SLIT3: variants seen among roughly 807,000 people sequenced by gnomAD.
SLIT3 encodes slit guidance ligand 3.
SLIT3 carries 68 observed loss-of-function variants against 184.0 expected under a neutral mutation model. The ratio of observed to expected loss-of-function variants is 0.37; its 90% CI spans 0.30 to 0.45. SLIT3 has a LOEUF of 0.45. Ranked by LOEUF, SLIT3 falls within the 20% of genes least tolerant of loss-of-function variation. The probability of loss-of-function intolerance (pLI) is 1.00; values close to 1 mark genes in which losing one functional copy is unlikely to be tolerated. For missense variants in SLIT3, 1,707 were observed against 2,026.0 expected, an observed-to-expected ratio of 0.84 and a Z score of 3.02; for synonymous variants, 831 against 828.6, an observed-to-expected ratio of 1.00 and a Z score of -0.05.
At position 169,300,463 on chromosome 5, in the gene SLIT3, CGGTGGGACCCA is replaced by C. The variant is rs1767646628; in HGVS notation, c.197+39_197+49del. 7.1e-7 allele frequency: 1 copy of C among 1,402,118 alleles called. No individual in the cohort carries two copies. 86.9% of individuals were successfully genotyped at this position (1,402,118 alleles called of 1,614,324 possible). ...ACGGATCTGGCGCCTGGGGCCCCCT[CGGTGGGACCCA>C]GGTGGGTGGCCCGCGTGGGGTGGGG... On this transcript the variant is annotated intron_variant, in intron 1 of 35. Transcript: ENST00000519560. The surrounding 1 kb of genome is among the most constrained non-coding windows in gnomAD (Gnocchi z 4.1).
chr5:168,698,737 A>T, intron 27 of SLIT3, among the ~76,000 whole-genome samples: 1 of 152,086 alleles, frequency 6.6e-6, no homozygotes, highest in East Asian at 1.9e-4. Context: ...GATGCAGAAG[A>T]GTTTCCCTAT....
intron 5 of SLIT3, among the ~76,000 whole-genome samples, chr5:168,856,685 T>G (rs1244838860): frequency 1.3e-5 from 2 of 152,064 alleles, no homozygotes; most frequent in Non-Finnish European, 2.9e-5. Flanking sequence ...TCCACACCAC[T>G]GCTCCTCCTT....
chr5:168,684,529 G>C (rs1761687042), intron 31 of SLIT3, among the ~76,000 whole-genome samples: 2 of 151,974 alleles, frequency 1.3e-5, no homozygotes, highest in South Asian at 4.2e-4. Context: ...GAGTGCAGTG[G>C]CACAGTCTTG....
chr5:168,961,466 CAA>C (rs1763005192), intron 4 of SLIT3, among the ~76,000 whole-genome samples: 1 of 152,112 alleles, frequency 6.6e-6, no homozygotes, highest in African/African-American at 2.4e-5. Context: ...CCATATTAAT[CAA>C]AGATTAACCA....
intron 18 of SLIT3, among the ~76,000 whole-genome samples, chr5:168,750,870 A>G (rs1754672213): frequency 6.6e-6 from 1 of 152,064 alleles, no homozygotes; most frequent in Admixed American, 6.6e-5. Context: ...GGGATCTTAT[A>G]TGATGGTGGG....
At chr5:168,734,042 A>T (rs562868874) in intron 20 of SLIT3, among the ~76,000 whole-genome samples, 2 of 152,280 alleles carry the variant, frequency 1.3e-5, no homozygotes, top group East Asian at 3.9e-4. Flanking sequence ...AAAAGGTAGG[A>T]GGGTGCTGAG....
chr5:169,169,082 G>A (rs564855877), intron 4 of SLIT3, among the ~76,000 whole-genome samples: 8 of 152,284 alleles, frequency 5.3e-5, no homozygotes, highest in Admixed American at 5.2e-4. Flanking sequence ...GGTGTTGTAA[G>A]CAACAGCAGC....
chr5:168,815,540 A>G (rs1561947894), intron 8 of SLIT3, among the ~76,000 whole-genome samples: 2 of 152,144 alleles, frequency 1.3e-5, no homozygotes, highest in African/African-American at 2.4e-5. Flanking sequence ...TAGTCACTAT[A>G]TTTGAAGTTG....
intron 4 of SLIT3, among the ~76,000 whole-genome samples, chr5:169,103,169 C>T (rs1478059021): frequency 6.6e-6 from 1 of 152,128 alleles, no homozygotes; most frequent in Non-Finnish European, 1.5e-5. Flanking sequence ...GAGGTGGAAA[C>T]CAGAGCACAC....
At chr5:168,814,326 G>A (rs1241316596) in intron 8 of SLIT3, among the ~76,000 whole-genome samples, 1 of 152,158 alleles carries the variant, frequency 6.6e-6, no homozygotes, top group Non-Finnish European at 1.5e-5. Context: ...AACCCGTGAG[G>A]CAGAAGTTGC....
chr5:169,279,431 G>A (rs183189018), intron 1 of SLIT3, among the ~76,000 whole-genome samples: 1 of 152,264 alleles, frequency 6.6e-6, no homozygotes, highest in Admixed American at 6.5e-5. Flanking sequence ...GAAACCTGAG[G>A]TTCTGAGTTA....
chr5:169,187,305 G>A (rs1304845572), intron 4 of SLIT3, among the ~76,000 whole-genome samples: 12 of 151,806 alleles, frequency 7.9e-5, no homozygotes, highest in African/African-American at 2.9e-4. Flanking sequence ...TAGAGACAGG[G>A]TTTCACCATG....
In SLIT3 at chr5:168,666,534, C is replaced by T. The variant is rs765731331; in HGVS notation, c.4492G>A (p.Val1498Ile). 33 of 1,613,070 alleles carry T rather than the reference C, an allele frequency of 2.0e-5. No individual in the cohort carries two copies. The highest frequency in any genetic ancestry group is 1.8e-4 in the Middle Eastern group (1 of 5,660). Reference protein sequence around the residue: ...QPTRSKRRKYVFQCTDGSSFV... With the variant: ...QPTRSKRRKYIFQCTDGSSFV... Reference sequence around the variant, plus strand: ...GAGGAGCCGTCCGTGCACTGGAAGACGTATTTCCGCCGCTTGCTGCGGGTG... The same window carrying T: ...GAGGAGCCGTCCGTGCACTGGAAGATGTATTTCCGCCGCTTGCTGCGGGTG... Residue 1498 changes from valine to isoleucine, a missense_variant, in exon 36 of 36, where the codon GTC becomes ATC. By Grantham distance (29) the Val-to-Ile change is conservative (BLOSUM62 3). Around this residue, in one of 3 missense-constraint regions of SLIT3, gnomAD observed 387 missense variants for 477.9 expected, o/e 0.81. Transcript: ENST00000519560.
intron 14 of SLIT3, chr5:168,768,331 G>C (rs375132018): frequency 2.2e-6 from 1 of 463,932 alleles, no homozygotes; most frequent in Non-Finnish European, 4.4e-6. Flanking sequence ...AGCGGAAGCC[G>C]GAGCAGGCCC....
intron 4 of SLIT3, among the ~76,000 whole-genome samples, chr5:168,926,903 A>AATC (rs1761844324): frequency 1.3e-5 from 2 of 152,218 alleles, no homozygotes; most frequent in African/African-American, 4.8e-5. Context: ...GAGAAATTAA[A>AATC]ATCTTTATGC....
At chr5:168,865,890 A>G (rs773077345) in intron 5 of SLIT3, among the ~76,000 whole-genome samples, 12 of 152,184 alleles carry the variant, frequency 7.9e-5, no homozygotes, top group Admixed American at 2.6e-4. Context: ...TGATTTGATA[A>G]TCTGCTTTGT....
chr5:168,706,213 G>A (rs1212444641), intron 26 of SLIT3, among the ~76,000 whole-genome samples: 1 of 152,198 alleles, frequency 6.6e-6, no homozygotes, highest in Non-Finnish European at 1.5e-5. Flanking sequence ...CTTATTGAGT[G>A]CTCACTGAAT....
At chr5:168,937,585 T>G (rs963097563) in intron 4 of SLIT3, among the ~76,000 whole-genome samples, 4 of 152,050 alleles carry the variant, frequency 2.6e-5, no homozygotes, top group Non-Finnish European at 5.9e-5. Flanking sequence ...GGCATTGGCC[T>G]TGTGCGGCGG....
In SLIT3 at chr5:168,915,452, G is replaced by A. The variant is rs111518462; in HGVS notation, c.414-32116C>T. Among the ~76,000 whole-genome samples the A allele has an allele frequency of 2.0e-3, 306 of 152,142 alleles. 2 individuals carry two copies. Among genetic ancestry groups the A allele is most frequent in the African/African-American group, 6.9e-3 (286 of 41,520 alleles). The stretch of plus-strand genomic sequence containing the variant: ...AGAGGTTCCTCGTACGAATTGGTTC[G>A]CTGTTGTCAGGCCAAGATTTACCAA... On this transcript the variant is annotated intron_variant, in intron 4 of 35. Coordinates refer to ENST00000519560, the MANE Select transcript of SLIT3 (RefSeq NM_003062.4).
Sources: allele counts gnomAD v4.1 joint callset (sites outside exome capture counted in the v4.1 genomes callset), GRCh38; gene constraint gnomAD v4.1.1; regional missense constraint gnomAD v4.1.1; non-coding constraint Gnocchi (gnomAD v3.1); transcripts MANE v1.5; gene names NCBI Gene and HGNC (gene_info 2026-07-23, HGNC 2026-07-21).